The following CACNA2D3 variants were observed in gnomAD, a reference collection of about 807,000 sequenced individuals.
CACNA2D3 encodes the protein calcium voltage-gated channel auxiliary subunit alpha2delta 3.
In CACNA2D3, 60 loss-of-function variants were observed where a neutral mutation model predicts 160.6. The ratio of observed to expected loss-of-function variants is 0.37; its 90% CI spans 0.30 to 0.46. The LOEUF is 0.46. Ranked by LOEUF, CACNA2D3 falls within the 20% of genes least tolerant of loss-of-function variation. CACNA2D3 has a pLI of 1.00. For missense variants in CACNA2D3, 1,205 were observed against 1,365.0 expected, an observed-to-expected ratio of 0.88 and a Z score of 1.85; for synonymous variants, 558 against 492.9, an observed-to-expected ratio of 1.13 and a Z score of -1.75.
chr3:55,056,534 G>A lies in CACNA2D3; in HGVS notation c.2988-16911G>A, dbSNP rs142415219. Reference sequence around the variant, plus strand: ...CTTTACTGCAGCACTTTTCATAATAGCTAAGTTATGGAATCAACCTAAGTG... The same window carrying A: ...CTTTACTGCAGCACTTTTCATAATAACTAAGTTATGGAATCAACCTAAGTG... On this transcript the variant is annotated intron_variant, in intron 35 of 37. Coordinates refer to ENST00000474759, the MANE Select transcript of CACNA2D3 (RefSeq NM_018398.3). 1.6e-4 allele frequency among the ~76,000 whole-genome samples: 25 copies of A among 152,248 alleles called. No individual in the cohort carries two copies. The East Asian group carries it at 4.8e-3, about 29-fold the overall frequency.
chr3:55,007,955 ACT>A, intron 33 of CACNA2D3, 113 bp downstream of exon 33: 1 of 655,456 alleles, frequency 1.5e-6, no homozygotes, highest in East Asian at 3.2e-5. Flanking sequence ...GATTCCTAGT[ACT>A]CTGAGATAAC....
At chr3:54,175,545 A>C (rs974754468) in intron 2 of CACNA2D3, among the ~76,000 whole-genome samples, 1 of 149,818 alleles carries the variant, frequency 6.7e-6, no homozygotes, top group African/African-American at 2.5e-5. Flanking sequence ...CCCGGGAGGC[A>C]GAACTTGCAG....
chr3:54,728,461 A>G (rs948837298), intron 11 of CACNA2D3, among the ~76,000 whole-genome samples: 7 of 152,046 alleles, frequency 4.6e-5, no homozygotes, highest in Admixed American at 1.3e-4. Flanking sequence ...GTTTCCTTCA[A>G]TATTTTGATC....
intron 11 of CACNA2D3, among the ~76,000 whole-genome samples, chr3:54,661,953 C>T (rs190250224): frequency 2.4e-4 from 37 of 151,688 alleles, no homozygotes; most frequent in Admixed American, 7.2e-4. Flanking sequence ...TCTTTTCCTG[C>T]TACAGGCTTT....
intron 2 of CACNA2D3, among the ~76,000 whole-genome samples, chr3:54,251,317 CAG>C (rs1306268394): frequency 2.0e-5 from 3 of 152,182 alleles, no homozygotes; most frequent in East Asian, 1.9e-4. Context: ...GTGGGAGAAA[CAG>C]AGTCAATCTC....
chr3:54,426,039 T>G (rs1377969770), intron 4 of CACNA2D3, among the ~76,000 whole-genome samples: 2 of 152,176 alleles, frequency 1.3e-5, no homozygotes, highest in African/African-American at 4.8e-5. Context: ...AGTTGTTCCT[T>G]CTGGTCAGAC....
chr3:54,695,466 A>G (rs1376822994), intron 11 of CACNA2D3, among the ~76,000 whole-genome samples: 2 of 151,726 alleles, frequency 1.3e-5, no homozygotes, highest in African/African-American at 4.8e-5. Flanking sequence ...CAAATGCATG[A>G]GTGGTTCCAA....
chr3:54,850,896 G>C (rs1258852912), intron 17 of CACNA2D3, among the ~76,000 whole-genome samples: 1 of 152,236 alleles, frequency 6.6e-6, no homozygotes, highest in Non-Finnish European at 1.5e-5. Flanking sequence ...GAGTGGATGA[G>C]ATGGGAGGTA....
At chr3:54,505,844 C>A (rs1376768832) in intron 5 of CACNA2D3, among the ~76,000 whole-genome samples, 4 of 152,138 alleles carry the variant, frequency 2.6e-5, no homozygotes, top group African/African-American at 9.7e-5. Context: ...CGTAAGGGAC[C>A]CACACCACCA....
intron 2 of CACNA2D3, among the ~76,000 whole-genome samples, chr3:54,249,214 TA>T (rs1352294348): frequency 6.6e-6 from 1 of 152,196 alleles, no homozygotes; most frequent in African/African-American, 2.4e-5. Context: ...AAGCATGGTT[TA>T]CAGAGATGCG....
intron 35 of CACNA2D3, among the ~76,000 whole-genome samples, chr3:55,028,276 T>C (rs1170690789): frequency 6.6e-6 from 1 of 152,152 alleles, no homozygotes; most frequent in Non-Finnish European, 1.5e-5. Context: ...TATGTAGTGT[T>C]TTTAAAGGGA....
At chr3:54,878,713 G>A (rs1291348821) in intron 18 of CACNA2D3, 8 of 239,794 alleles carry the variant, frequency 3.3e-5, no homozygotes, top group Non-Finnish European at 3.2e-5. Flanking sequence ...GTTCTTGCTC[G>A]GCATTTCAGC....
chr3:54,327,822 A>C (rs1704149702), intron 3 of CACNA2D3, among the ~76,000 whole-genome samples: 1 of 152,070 alleles, frequency 6.6e-6, no homozygotes, highest in Non-Finnish European at 1.5e-5. Flanking sequence ...GCATGAGTAT[A>C]TAGATATGTG....
intron 11 of CACNA2D3, among the ~76,000 whole-genome samples, chr3:54,742,759 A>G (rs887655072): frequency 2.6e-5 from 4 of 152,212 alleles, no homozygotes; most frequent in Admixed American, 2.0e-4. Flanking sequence ...CAATCTTTGC[A>G]TGGCTTCCAT....
At chr3:54,739,675 T>C (rs1186627659) in intron 11 of CACNA2D3, among the ~76,000 whole-genome samples, 1 of 151,768 alleles carries the variant, frequency 6.6e-6, no homozygotes, top group Admixed American at 6.6e-5. Context: ...TGTGTCCTAT[T>C]CAGGGAAACC....
chr3:54,546,545 C>A (rs1388030057), intron 5 of CACNA2D3, among the ~76,000 whole-genome samples: 1 of 152,142 alleles, frequency 6.6e-6, no homozygotes, highest in Non-Finnish European at 1.5e-5. Context: ...TGGTAAACCT[C>A]CCCCAAGACT....
At chr3:54,159,326 G>C (rs1700301043) in intron 2 of CACNA2D3, among the ~76,000 whole-genome samples, 1 of 151,658 alleles carries the variant, frequency 6.6e-6, no homozygotes, top group Non-Finnish European at 1.5e-5. Flanking sequence ...CTTTAATTTG[G>C]TTGTGATCAT....
At chr3:54,786,693 C>A (rs1392333094) in intron 13 of CACNA2D3, among the ~76,000 whole-genome samples, 2 of 152,150 alleles carry the variant, frequency 1.3e-5, no homozygotes, top group Non-Finnish European at 2.9e-5. Context: ...ATGCACTTAT[C>A]ACTTAGCTAT....
intron 17 of CACNA2D3, among the ~76,000 whole-genome samples, chr3:54,856,917 A>G (rs1049659912): frequency 2.0e-5 from 3 of 152,158 alleles, no homozygotes; most frequent in African/African-American, 7.2e-5. Context: ...AGTAGCTGGC[A>G]TTACAGGCAC....
Sources: allele counts gnomAD v4.1 joint callset (sites outside exome capture counted in the v4.1 genomes callset), GRCh38; gene constraint gnomAD v4.1.1; transcripts MANE v1.5; gene names NCBI Gene and HGNC (gene_info 2026-07-23, HGNC 2026-07-21).